The following FGF13 variants were observed in gnomAD, a reference collection of about 807,000 sequenced individuals.
The protein encoded by FGF13 is fibroblast growth factor homologous factor 2.
A neutral mutation model predicts 19.5 loss-of-function variants in FGF13; 2 were observed. That is an observed-to-expected ratio of 0.10 (90% CI 0.04 to 0.32). The LOEUF (loss-of-function observed/expected upper bound fraction) is 0.32, where lower values mean the gene tolerates loss of function less well. Among genes scored for constraint, FGF13 ranks in the 10% least tolerant of loss-of-function variants. The pLI is 1.00. For synonymous variants in FGF13, 72 were observed against 76.9 expected, an observed-to-expected ratio of 0.94 and a Z score of 0.33; for missense variants, 113 against 192.7, an observed-to-expected ratio of 0.59 and a Z score of 2.45.
intron 3 of FGF13, among the ~76,000 whole-genome samples, chrX:138,811,458 G>A (rs1416657209): frequency 2.7e-5 from 3 of 110,197 alleles, no homozygotes; most frequent in Non-Finnish European, 5.7e-5. Context: ...GGTGGGGGGA[G>A]TGTGGAGGGA....
chrX:138,787,908 G>A (rs2090707026), intron 3 of FGF13, among the ~76,000 whole-genome samples: 1 of 111,650 alleles, frequency 9.0e-6, no homozygotes, highest in Non-Finnish European at 1.9e-5. Flanking sequence ...ATTGGGATTG[G>A]ATTTCAACAT....
At chrX:138,951,456 AAGATTAAGTAAGCC>A (rs1337228818) in intron 1 of FGF13, among the ~76,000 whole-genome samples, 12 of 112,118 alleles carry the variant, frequency 1.1e-4, no homozygotes, top group Non-Finnish European at 2.1e-4. Flanking sequence ...AGAACAGAAA[AAGATTAAGTAAGCC>A]ACAGTCAGGA....
At chrX:139,042,074 T>A (rs2092271850) in intron 1 of FGF13, among the ~76,000 whole-genome samples, 1 of 112,605 alleles carries the variant, frequency 8.9e-6, no homozygotes, top group South Asian at 3.6e-4. Context: ...AATACTGGGC[T>A]GTTAGCCATT....
At chrX:139,160,316 C>G (rs2367452) in intron 1 of FGF13, among the ~76,000 whole-genome samples, 13,205 of 111,378 alleles carry the variant, frequency 0.12, 1,288 homozygotes, top group African/African-American at 0.33. Context: ...CAACGTAACA[C>G]AATCTGTAGG....
At chrX:138,727,729 CT>C (rs1264202640) in intron 1 of FGF13, among the ~76,000 whole-genome samples, 1 of 111,423 alleles carries the variant, frequency 9.0e-6, no homozygotes, top group Non-Finnish European at 1.9e-5. Context: ...ATTTTCTTGT[CT>C]TTAAATTAGG....
chrX:138,921,952 A>G (rs1281057917), intron 1 of FGF13, among the ~76,000 whole-genome samples: 1 of 81,966 alleles, frequency 1.2e-5, no homozygotes, highest in Non-Finnish European at 2.3e-5. Context: ...TAGGCTAATC[A>G]TGTTCTCCTT....
At chrX:138,697,897 T>A (rs902192104) in intron 3 of FGF13, among the ~76,000 whole-genome samples, 2 of 111,385 alleles carry the variant, frequency 1.8e-5, no homozygotes, top group Non-Finnish European at 3.8e-5. Flanking sequence ...CAAATAGCTT[T>A]ATGTTATTAA....
chrX:138,673,160 G>C (rs1385729093), intron 3 of FGF13, among the ~76,000 whole-genome samples: 1 of 111,408 alleles, frequency 9.0e-6, no homozygotes, highest in East Asian at 2.8e-4. Context: ...GGATTTTGCT[G>C]TAAAGGGAAA....
At chrX:138,755,168 G>A (rs1431318586) in intron 3 of FGF13, among the ~76,000 whole-genome samples, 1 of 111,990 alleles carries the variant, frequency 8.9e-6, no homozygotes, top group Admixed American at 9.5e-5. Context: ...AATCTAGACA[G>A]TAAGTTTTAT....
intron 3 of FGF13, among the ~76,000 whole-genome samples, chrX:138,758,205 C>A (rs970498033): frequency 1.8e-5 from 2 of 111,246 alleles, no homozygotes; most frequent in East Asian, 5.7e-4. Flanking sequence ...GGAACCTAGT[C>A]CTCTCCTCCT....
At chrX:138,647,294 G>A (rs969595033) in intron 3 of FGF13, among the ~76,000 whole-genome samples, 2 of 108,729 alleles carry the variant, frequency 1.8e-5, no homozygotes, top group Non-Finnish European at 3.8e-5. Context: ...TCCTGTGAAA[G>A]CTCATTAAAA....
At position 138,954,693 on chromosome X, in the gene FGF13, A is replaced by T. The variant is rs2091832250; in HGVS notation, c.-112-90043T>A. Reference sequence around the variant, plus strand: ...TAGAGAGAATGCATTTTTTAAAATGATCTGAGAGATCAGCTGGGGAAACTA... The same window carrying T: ...TAGAGAGAATGCATTTTTTAAAATGTTCTGAGAGATCAGCTGGGGAAACTA... On this transcript the variant is annotated intron_variant, in intron 1 of 2. Transcript: ENST00000421460. 5.4e-5 allele frequency among the ~76,000 whole-genome samples: 6 copies of T among 111,654 alleles called. No homozygotes were observed. The Admixed American group carries it at 5.7e-4, about 11-fold the overall frequency.
intron 3 of FGF13, among the ~76,000 whole-genome samples, chrX:138,779,509 T>A (rs1382768392): frequency 1.3e-4 from 14 of 107,834 alleles, no homozygotes; most frequent in Non-Finnish European, 2.3e-4. Flanking sequence ...GAGAACTACG[T>A]GAAGAATGCA....
chrX:139,016,794 A>G (rs1055263590), intron 1 of FGF13, among the ~76,000 whole-genome samples: 4 of 111,421 alleles, frequency 3.6e-5, no homozygotes, highest in Non-Finnish European at 7.6e-5. Context: ...AGATCCAAGA[A>G]CAAATGGGCC....
chrX:139,019,417 C>A (rs2092167936), intron 1 of FGF13, among the ~76,000 whole-genome samples: 1 of 110,553 alleles, frequency 9.0e-6, no homozygotes, highest in Non-Finnish European at 1.9e-5. Flanking sequence ...AAAGGTAGGT[C>A]AAGAGAGGCA....
At chrX:139,149,675 A>G in intron 1 of FGF13, among the ~76,000 whole-genome samples, 1 of 112,097 alleles carries the variant, frequency 8.9e-6, no homozygotes, top group Middle Eastern at 4.7e-3. Flanking sequence ...GTACAAAACA[A>G]CCTAGATCCC....
intron 1 of FGF13, among the ~76,000 whole-genome samples, chrX:139,158,669 T>C (rs1603226136): frequency 1.8e-5 from 2 of 110,841 alleles, no homozygotes; most frequent in African/African-American, 6.5e-5. Context: ...CGTAAGAACT[T>C]TGTGAAGCAG....
chrX:138,750,090 A>G (rs1376015478), intron 3 of FGF13, among the ~76,000 whole-genome samples: 7 of 111,737 alleles, frequency 6.3e-5, no homozygotes, highest in African/African-American at 2.3e-4. Flanking sequence ...GCCACTGTGG[A>G]TATACAATCT....
intron 1 of FGF13, among the ~76,000 whole-genome samples, chrX:138,734,035 A>G: frequency 8.9e-6 from 1 of 111,756 alleles, no homozygotes; most frequent in East Asian, 2.9e-4. Flanking sequence ...AAAGGACCAA[A>G]AGGCTGTTTG....
Sources: gnomAD v4.1 joint callset for allele counts (sites outside exome capture counted in the v4.1 genomes callset) on GRCh38, gnomAD v4.1.1 for gene constraint, MANE v1.5 for transcripts, NCBI Gene and HGNC (gene_info 2026-07-23, HGNC 2026-07-21) for gene names.